Variants in UGT2B11 observed in about 807,000 individuals in gnomAD.
UGT2B11 encodes UDP-glucuronosyltransferase 2B11.
A neutral mutation model predicts 51.7 loss-of-function variants in UGT2B11; 49 were observed. That is an observed-to-expected ratio of 0.95 (90% CI 0.75 to 1.20). The LOEUF (loss-of-function observed/expected upper bound fraction) is 1.20. UGT2B11 is among the 50% of genes most tolerant of loss of function. UGT2B11 has a pLI of 0.00. For missense variants in UGT2B11, 810 were observed against 622.1 expected, an observed-to-expected ratio of 1.30 and a Z score of -3.21; for synonymous variants, 273 against 209.0, an observed-to-expected ratio of 1.31 and a Z score of -2.64.
the UGT2B11 span, among the ~76,000 whole-genome samples, chr4:69,224,220 C>T: frequency 6.6e-6 from 1 of 152,206 alleles, no homozygotes; most frequent in South Asian, 2.1e-4. Flanking sequence ...GTCTGGCCGG[C>T]GGACATTAGG....
At chr4:69,216,651 T>A (rs1414661941), upstream of UGT2B11, 1 of 151,674 alleles carries the variant, frequency 6.6e-6, no homozygotes, top group Non-Finnish European at 1.5e-5. Flanking sequence ...TAAAATGCTA[T>A]CTTTCTTTAT....
At position 69,208,435 on chromosome 4, in the gene UGT2B11, C is replaced by T. The variant is rs751426437; in HGVS notation, c.918G>A (p.Val306=). ...VQSSGENGVV[V]FSLGSVISNM... is the part of the protein sequence containing the mutation. Reference sequence around the variant, plus strand: ...TACTTATCACTGACCCCAGAGAAAACACCACAACACCATTTTCTCCAGAGC... The same window carrying T: ...TACTTATCACTGACCCCAGAGAAAATACCACAACACCATTTTCTCCAGAGC... The change falls in exon 3 of 6, where the codon GTG becomes GTA. Residue 306 remains valine, a synonymous_variant. Coordinates refer to ENST00000446444, the MANE Select transcript of UGT2B11 (RefSeq NM_001073.3). 2 of 1,609,942 alleles carry T rather than the reference C, an allele frequency of 1.2e-6. No homozygotes were observed. The highest frequency in any genetic ancestry group is 8.5e-7 in the Non-Finnish European group (1 of 1,178,090).
intron 4 of UGT2B11, among the ~76,000 whole-genome samples, 186 bp from the exon 5 acceptor site, chr4:69,204,835 G>C (rs1413639142): frequency 6.6e-6 from 1 of 151,690 alleles, no homozygotes; most frequent in South Asian, 2.1e-4. Context: ...TGGTGTGTGT[G>C]ACTTCAGACT....
upstream of UGT2B11, chr4:69,216,898 G>A (rs546236281): frequency 8.0e-4 from 121 of 152,138 alleles, no homozygotes; most frequent in African/African-American, 2.8e-3. Flanking sequence ...CAACAATGAG[G>A]CAGGGGTGTG....
At chr4:69,208,329 C>T in intron 3 of UGT2B11, 22 bp downstream of exon 3, 3 of 1,609,186 alleles carry the variant, frequency 1.9e-6, no homozygotes, top group East Asian at 2.2e-5. Context: ...GTTTTCCACA[C>T]CAGTAAGGCC....
At chr4:69,223,192 C>G in the UGT2B11 span, among the ~76,000 whole-genome samples, 1 of 152,164 alleles carries the variant, frequency 6.6e-6, no homozygotes, top group Non-Finnish European at 1.5e-5. Flanking sequence ...GGCAGTGGTA[C>G]AGAAGACAAT....
At chr4:69,213,416 C>T (rs1722147842) in intron 1 of UGT2B11, among the ~76,000 whole-genome samples, 1 of 151,714 alleles carries the variant, frequency 6.6e-6, no homozygotes, top group Admixed American at 6.6e-5. Context: ...GATAATTGGA[C>T]TTCAAATGCA....
chr4:69,205,582 A>G lies in UGT2B11; in HGVS notation c.1003-15T>C. ...CTCCACAGAACCTGTTACAGTAAAG[A>G]GAATATCTTATTCCATGAGTGGAAC... On this transcript the variant is annotated splice_polypyrimidine_tract_variant and intron_variant, in intron 3 of 5. Coordinates refer to ENST00000446444, the MANE Select transcript of UGT2B11 (RefSeq NM_001073.3). The G allele has an allele frequency of 1.2e-6, 2 of 1,607,326 alleles. No individual in the cohort carries two copies. The highest frequency in any genetic ancestry group is 1.7e-6 in the Non-Finnish European group (2 of 1,176,418).
the UGT2B11 span, among the ~76,000 whole-genome samples, chr4:69,222,333 C>A: frequency 6.6e-6 from 1 of 152,230 alleles, no homozygotes. Context: ...CCTTCCTTAG[C>A]CTTTCTAGAA....
At chr4:69,208,017 T>A (rs1199811744) in intron 3 of UGT2B11, among the ~76,000 whole-genome samples, 2 of 151,656 alleles carry the variant, frequency 1.3e-5, no homozygotes, top group African/African-American at 4.8e-5. Context: ...ATTCAGTTAA[T>A]TTCAGCAGTA....
chr4:69,216,027 T>A (rs1214005406), upstream of UGT2B11: 2 of 152,054 alleles, frequency 1.3e-5, no homozygotes, highest in East Asian at 3.9e-4. Context: ...TGGTACTAAG[T>A]TCTGATATGA....
chr4:69,217,888 C>A (rs533455054), upstream of UGT2B11, among the ~76,000 whole-genome samples: 10 of 152,190 alleles, frequency 6.6e-5, no homozygotes, highest in East Asian at 1.7e-3. Flanking sequence ...AAGATGGCAG[C>A]CCGTCACCAT....
rs1275764775 is a variant in UGT2B11, at chr4:69,214,593, T to C, written c.130A>G (p.Lys44Glu). The part of the protein sequence containing the change: ...SHWMNMKTIL[K>E]ELVQRGHEVT... ...TCATGACCTCTCTGAACAAGCTCTT[T>C]CAGGATTGTCTTCATATTCATCCAA... is the stretch of plus-strand genomic sequence containing the variant. The change falls in exon 1 of 6, where the codon AAA (lysine) becomes GAA (glutamate). Residue 44 changes from lysine (K) to glutamate (E), a missense_variant. Physicochemically the swap from Lys to Glu is moderately conservative, Grantham distance 56. Coordinates refer to ENST00000446444, the MANE Select transcript of UGT2B11 (RefSeq NM_001073.3). The C allele has an allele frequency of 9.9e-6, 16 of 1,613,182 alleles. No homozygotes were observed. The highest frequency in any genetic ancestry group is 1.3e-5 in the African/African-American group (1 of 74,856).
upstream of UGT2B11, chr4:69,214,972 C>A (rs1450809731): frequency 3.0e-5 from 15 of 493,314 alleles, no homozygotes; most frequent in East Asian, 4.1e-5. Context: ...TTGCAAGTAC[C>A]CTGTTTTATG....
At chr4:69,222,959 G>A in the UGT2B11 span, among the ~76,000 whole-genome samples, 15 of 152,154 alleles carry the variant, frequency 9.9e-5, no homozygotes, top group Admixed American at 6.5e-5. Context: ...GAGGGAAAAG[G>A]CCCTGAGTAT....
At chr4:69,218,718 T>C (rs1577969871), upstream of UGT2B11, among the ~76,000 whole-genome samples, 1 of 151,982 alleles carries the variant, frequency 6.6e-6, no homozygotes, top group Non-Finnish European at 1.5e-5. Flanking sequence ...GAAAAGATAG[T>C]TCATTGAAAG....
At chr4:69,223,912 G>A in the UGT2B11 span, among the ~76,000 whole-genome samples, 85 of 152,316 alleles carry the variant, frequency 5.6e-4, no homozygotes, top group African/African-American at 2.0e-3. Flanking sequence ...TTGTACTTGA[G>A]AGGTCCCAAC....
chr4:69,222,761 C>T, the UGT2B11 span, among the ~76,000 whole-genome samples: 31,554 of 152,130 alleles, frequency 0.21, 3,675 homozygotes, highest in African/African-American at 0.31. Context: ...TTGCCTTTAT[C>T]TGTTTCAAAT....
At chr4:69,211,928 C>T (rs1722080010) in intron 2 of UGT2B11, among the ~76,000 whole-genome samples, 1 of 151,484 alleles carries the variant, frequency 6.6e-6, no homozygotes. Context: ...AGTATCATCT[C>T]ATTCTTAGTC....
Sources: allele counts gnomAD v4.1 joint callset (sites outside exome capture counted in the v4.1 genomes callset), GRCh38; gene constraint gnomAD v4.1.1; transcripts MANE v1.5; gene names NCBI Gene and HGNC (gene_info 2026-07-23, HGNC 2026-07-21).